PCSK5: variants seen among roughly 807,000 people sequenced by gnomAD.
PCSK5 encodes the protein prohormone convertase 5.
A neutral mutation model predicts 233.2 loss-of-function variants in PCSK5; 129 were observed. The observed-to-expected ratio is 0.55, with a 90% CI of 0.48 to 0.64. PCSK5 has a LOEUF of 0.64. PCSK5 is among the 30% of genes least tolerant of loss of function. The probability of loss-of-function intolerance (pLI) is 0.00; values close to 1 mark genes in which losing one functional copy is unlikely to be tolerated. For synonymous variants in PCSK5, 825 were observed against 879.2 expected (o/e 0.94, Z 1.09); for missense variants, 2,076 against 2,430.1 (o/e 0.85, Z 3.06).
At chr9:76,291,885 T>C (rs996321754) in intron 24 of PCSK5, among the ~76,000 whole-genome samples, 5 of 152,130 alleles carry the variant, frequency 3.3e-5, no homozygotes, top group African/African-American at 1.2e-4. Context: ...TCCAAATATT[T>C]GTGTGTGGAC....
chr9:76,342,391 T>C (rs11144841), intron 35 of PCSK5, among the ~76,000 whole-genome samples: 30,645 of 151,868 alleles, frequency 0.2, 4,280 homozygotes, highest in East Asian at 0.54. Flanking sequence ...TCTTTTTTTT[T>C]CCCCTTCCAA....
At chr9:76,070,743 C>A (rs1830453773) in intron 6 of PCSK5, among the ~76,000 whole-genome samples, 1 of 152,190 alleles carries the variant, frequency 6.6e-6, no homozygotes, top group Non-Finnish European at 1.5e-5. Flanking sequence ...ATTCCCACCT[C>A]AGTTCACATA....
chr9:76,167,217 C>G (rs1369260118), intron 12 of PCSK5, among the ~76,000 whole-genome samples: 1 of 152,148 alleles, frequency 6.6e-6, no homozygotes, highest in South Asian at 2.1e-4. Context: ...GAGAGGGAAC[C>G]TTTATAGATC....
intron 25 of PCSK5, among the ~76,000 whole-genome samples, chr9:76,294,873 C>T (rs564012579): frequency 6.6e-6 from 1 of 152,262 alleles, no homozygotes; most frequent in South Asian, 2.1e-4. Context: ...GCTGCACAGG[C>T]TGGGCGTGGT....
At chr9:76,110,121 AG>A (rs1832150473) in intron 9 of PCSK5, among the ~76,000 whole-genome samples, 1 of 152,214 alleles carries the variant, frequency 6.6e-6, no homozygotes, top group African/African-American at 2.4e-5. Flanking sequence ...ACACAAGTTG[AG>A]GAGCAAGATC....
intron 5 of PCSK5, among the ~76,000 whole-genome samples, chr9:76,037,570 T>C (rs778930411): frequency 6.6e-6 from 1 of 152,142 alleles, no homozygotes; most frequent in Non-Finnish European, 1.5e-5. Context: ...TTCTTTGAGG[T>C]TGGAATCACA....
chr9:76,184,771 G>A lies in PCSK5; in HGVS notation c.2282+14G>A. ...GGATGGGTTAAGGTAAGAGAGTGAA[G>A]GATTTTATCAAGTAACACAGCCCAA... On this transcript the variant is annotated intron_variant, in intron 17 of 37. Coordinates refer to ENST00000674117, the MANE Select transcript of PCSK5 (RefSeq NM_001372043.1). 6.7e-7 allele frequency: 1 copy of A among 1,497,284 alleles called. No homozygotes were observed. Among genetic ancestry groups the A allele is most frequent in the Non-Finnish European group, 9.3e-7 (1 of 1,080,304 alleles). 92.7% of individuals were successfully genotyped at this position (1,497,284 alleles called of 1,614,324 possible).
chr9:75,908,270 C>T (rs1265319372), intron 1 of PCSK5, among the ~76,000 whole-genome samples: 1 of 152,198 alleles, frequency 6.6e-6, no homozygotes, highest in Non-Finnish European at 1.5e-5. Flanking sequence ...TGCAAACCTC[C>T]AGGCCTTCAG....
intron 5 of PCSK5, among the ~76,000 whole-genome samples, chr9:76,044,505 T>C (rs772663410): frequency 2.6e-5 from 4 of 152,202 alleles, no homozygotes; most frequent in Non-Finnish European, 5.9e-5. Flanking sequence ...CTGGGAGACT[T>C]AATTATCTTC....
chr9:76,343,846 G>A (rs149844185), intron 35 of PCSK5, among the ~76,000 whole-genome samples: 14 of 151,972 alleles, frequency 9.2e-5, no homozygotes, highest in Admixed American at 6.6e-4. Flanking sequence ...CAAGGTCCCC[G>A]CAGACCAGGC....
At chr9:76,341,242 T>C (rs1000251276) in intron 35 of PCSK5, among the ~76,000 whole-genome samples, 5 of 151,008 alleles carry the variant, frequency 3.3e-5, no homozygotes, top group African/African-American at 7.3e-5. Flanking sequence ...AAAAAAAAGA[T>C]TTCAAATTGT....
chr9:76,321,408 T>C lies in PCSK5; in HGVS notation c.3885-14T>C. ...GGTCAGCTTCTCCAGTTGCACTCTG[T>C]CTTCCTTCCACAGGGGCTCTTATGC... On this transcript the variant is annotated splice_polypyrimidine_tract_variant and intron_variant, in intron 30 of 37. Coordinates refer to ENST00000674117, the MANE Select transcript of PCSK5 (RefSeq NM_001372043.1). 1.4e-6 allele frequency: 2 copies of C among 1,415,044 alleles called. No individual in the cohort carries two copies. The highest frequency in any genetic ancestry group is 2.0e-6 in the Non-Finnish European group (2 of 1,000,106). 87.7% of individuals were successfully genotyped at this position (1,415,044 alleles called of 1,614,324 possible).
At position 76,093,816 on chromosome 9, in the gene PCSK5, C is replaced by G. The variant is rs561615198; in HGVS notation, c.895-2074C>G. On this transcript the variant is annotated intron_variant, in intron 7 of 37. Transcript: ENST00000674117. ...TGATGAGTTGGAACATTCTTTCTTT[C>G]CCTCTGGTATGTTGTTGTCTCTGAG... Among the ~76,000 whole-genome samples, 21 of 152,234 alleles carry G rather than the reference C, an allele frequency of 1.4e-4. No homozygotes were observed. In the South Asian group the frequency reaches 2.1e-3, roughly 15 times the overall value.
intron 20 of PCSK5, among the ~76,000 whole-genome samples, chr9:76,203,627 A>G (rs73460333): frequency 0.015 from 2,324 of 152,166 alleles, 69 homozygotes; most frequent in African/African-American, 0.053. Context: ...TCAATCTTGT[A>G]AAACTCAGAG....
chr9:75,975,814 C>T (rs1007518720), intron 2 of PCSK5, among the ~76,000 whole-genome samples: 1 of 152,124 alleles, frequency 6.6e-6, no homozygotes, highest in Non-Finnish European at 1.5e-5. Context: ...ATTACCTTGC[C>T]TTGGCTTTCG....
chr9:75,909,185 T>C (rs954450232), intron 1 of PCSK5, among the ~76,000 whole-genome samples: 45 of 150,422 alleles, frequency 3.0e-4, no homozygotes, highest in African/African-American at 1.0e-3. Context: ...ATTAGCCAGG[T>C]GTGGTGATGC....
intron 3 of PCSK5, among the ~76,000 whole-genome samples, chr9:75,989,600 A>G (rs1393122670): frequency 6.6e-6 from 1 of 152,146 alleles, no homozygotes; most frequent in Non-Finnish European, 1.5e-5. Flanking sequence ...GGCTTTAGCT[A>G]GAAGACTCAA....
At chr9:76,104,645 G>T (rs1831904324) in intron 8 of PCSK5, among the ~76,000 whole-genome samples, 1 of 152,230 alleles carries the variant, frequency 6.6e-6, no homozygotes, top group African/African-American at 2.4e-5. Flanking sequence ...GTTGGCTGAA[G>T]ATGGTTATTT....
At position 76,071,914 on chromosome 9, in the gene PCSK5, A is replaced by C. The variant is rs376353740; in HGVS notation, c.894+16A>C. On this transcript the variant is annotated intron_variant, in intron 7 of 37. Transcript: ENST00000674117. ...CGTTAGAATGGTAGGTTTTAAAAGC[A>C]TGGAGGCTTATACTGTGTGGATGGG... 6.2e-7 allele frequency: 1 copy of C among 1,611,326 alleles called. No individual in the cohort carries two copies. Among genetic ancestry groups the C allele is most frequent in the South Asian group, 1.1e-5 (1 of 90,832 alleles).
Sources: gnomAD v4.1 joint callset for allele counts (sites outside exome capture counted in the v4.1 genomes callset) on GRCh38, gnomAD v4.1.1 for gene constraint, MANE v1.5 for transcripts, NCBI Gene and HGNC (gene_info 2026-07-23, HGNC 2026-07-21) for gene names.